F11: variants seen among roughly 807,000 people sequenced by gnomAD.
F11 encodes coagulation factor XI.
A neutral mutation model predicts 76.5 loss-of-function variants in F11; 78 were observed. The ratio of observed to expected loss-of-function variants is 1.02; its 90% CI spans 0.85 to 1.23. F11 has a LOEUF of 1.23. F11 is among the 50% of genes most tolerant of loss of function. F11 has a pLI of 0.00. For synonymous variants in F11, 278 were observed against 276.3 expected, an observed-to-expected ratio of 1.01 and a Z score of -0.06; for missense variants, 742 against 771.4, an observed-to-expected ratio of 0.96 and a Z score of 0.45.
chr4:186,275,414 G>A (rs1047821082), intron 5 of F11, among the ~76,000 whole-genome samples: 3 of 152,168 alleles, frequency 2.0e-5, no homozygotes, highest in East Asian at 3.9e-4. Context: ...AGAATCGCTT[G>A]AACCCAGGAG....
At chr4:186,278,276 G>T (rs1392195718) in intron 7 of F11, among the ~76,000 whole-genome samples, 1 of 152,216 alleles carries the variant, frequency 6.6e-6, no homozygotes, top group African/African-American at 2.4e-5. Context: ...AGCCAAGGGA[G>T]GCCCTGTGTG....
At position 186,274,111 on chromosome 4, in the gene F11, T is replaced by G; in HGVS notation, c.326-5T>G. ...GGTACTCATGTCTTCTGCTTTTATT[T>G]CCAGCTTGCAACAAAGACATTTATG... On this transcript the variant is annotated splice_polypyrimidine_tract_variant and splice_region_variant and intron_variant, in intron 4 of 14. Transcript: ENST00000403665. 6.2e-7 allele frequency: 1 copy of G among 1,614,190 alleles called. No homozygotes were observed. The highest frequency in any genetic ancestry group is 8.5e-7 in the Non-Finnish European group (1 of 1,180,026).
intron 5 of F11, 46 bp downstream of exon 5, chr4:186,274,321 C>A (rs376289738): frequency 1.1e-4 from 176 of 1,612,186 alleles, no homozygotes; most frequent in Non-Finnish European, 1.4e-4. Context: ...AAAACAGAAT[C>A]GTGATTTACT....
At chr4:186,276,430 A>G (rs750872465) in intron 7 of F11, 40 bp downstream of exon 7, 2 of 1,602,604 alleles carry the variant, frequency 1.2e-6, no homozygotes, top group Non-Finnish European at 1.7e-6. Flanking sequence ...TTATCTTCTA[A>G]AAATAGCTGA....
At chr4:186,286,049 C>T (rs1420539167) in intron 12 of F11, 2 of 581,862 alleles carry the variant, frequency 3.4e-6, no homozygotes, top group Non-Finnish European at 6.1e-6. Flanking sequence ...TCTTCAGGTG[C>T]ATAGAATGAC....
At chr4:186,284,054 G>T (rs1740987774) in intron 10 of F11, 38 bp from the exon 11 acceptor site, 1 of 1,613,826 alleles carries the variant, frequency 6.2e-7, no homozygotes, top group Non-Finnish European at 8.5e-7. Context: ...TGGAAAGGAA[G>T]ATGTAGGAAG....
intron 5 of F11, chr4:186,274,540 T>C: frequency 4.2e-6 from 2 of 472,780 alleles, no homozygotes; most frequent in Non-Finnish European, 3.9e-6. Flanking sequence ...CACTTTTAAA[T>C]TGGCACTTTT....
chr4:186,275,565 G>T (rs1740298974), intron 5 of F11, among the ~76,000 whole-genome samples: 1 of 152,078 alleles, frequency 6.6e-6, no homozygotes, highest in South Asian at 2.1e-4. Flanking sequence ...TCTTCATGTG[G>T]TCACTCTCTC....
intron 7 of F11, among the ~76,000 whole-genome samples, chr4:186,276,732 A>G (rs1176129656): frequency 1.3e-5 from 2 of 151,724 alleles, no homozygotes; most frequent in East Asian, 2.0e-4. Flanking sequence ...GACTACAGGC[A>G]TGGGACACCA....
chr4:186,276,042 C>T (rs1211194170), intron 6 of F11, 146 bp downstream of exon 6: 1 of 923,952 alleles, frequency 1.1e-6, no homozygotes, highest in Non-Finnish European at 1.7e-6. Context: ...TCATCATGTC[C>T]TATACAGTTA....
rs775969017 is a variant in F11 at position 186,286,418 on chromosome 4, C to G, written c.1484C>G (p.Ser495Cys). The stretch of plus-strand genomic sequence containing the variant: ...AACCACGATTTTTTAAATTTAGATT[C>G]TCAACGACCCATATGCCTGCCTTCC... The part of the protein sequence containing the change: ...KLETTVNYTD[S>C]QRPICLPSKG... The change falls in exon 13 of 15, where the codon TCT (serine) becomes TGT (cysteine). Residue 495 changes from serine to cysteine, a missense_variant. Ser to Cys is a moderately radical substitution (Grantham distance 112). Transcript: ENST00000403665. 1 of 1,613,610 alleles carries G rather than the reference C, an allele frequency of 6.2e-7. No individual in the cohort carries two copies. The highest frequency in any genetic ancestry group is 2.2e-5 in the East Asian group (1 of 44,856).
chr4:186,273,094 G>T lies in F11; in HGVS notation c.242G>T (p.Ser81Ile), dbSNP rs766388775. The part of the protein sequence containing the change: ...TRWFTCVLKD[S>I]VTETLPRVNR... ...AGGTTTACTTGTGTCCTGAAAGACA[G>T]TGTTACAGAAACACTGCCAAGAGTG... Residue 81 changes from serine to isoleucine, a missense_variant, in exon 4 of 15, where the codon AGT (serine) becomes ATT (isoleucine). By Grantham distance (142) the Ser-to-Ile change is moderately radical. Transcript: ENST00000403665. 1 of 1,613,442 alleles carries T rather than the reference G, an allele frequency of 6.2e-7. No individual in the cohort carries two copies. Among genetic ancestry groups the T allele is most frequent in the Non-Finnish European group, 8.5e-7 (1 of 1,179,400 alleles).
chr4:186,280,342 T>A lies in F11; in HGVS notation c.985T>A (p.Phe329Ile), dbSNP rs1439322383. The change falls in exon 9 of 15, where the codon TTT (phenylalanine) becomes ATT (isoleucine). Residue 329 changes from phenylalanine (F) to isoleucine (I), a missense_variant. Transcript: ENST00000403665. ...GTGCACCAATGCCGTCCGCTGCCAG[T>A]TTTTTACCTATACCCCAGCCCAAGC... ...KLCTNAVRCQFFTYTPAQASC... is the reference protein window; with the variant it reads ...KLCTNAVRCQIFTYTPAQASC... The A allele has an allele frequency of 6.2e-7, 1 of 1,614,128 alleles. No homozygotes were observed. The highest frequency in any genetic ancestry group is 1.1e-5 in the South Asian group (1 of 91,082).
intron 14 of F11, among the ~76,000 whole-genome samples, chr4:186,288,152 T>TCTGC (rs1338683491): frequency 6.6e-6 from 1 of 152,030 alleles, no homozygotes; most frequent in East Asian, 1.9e-4. Flanking sequence ...GACCTCATGA[T>TCTGC]CTGCCTGCCT....
intron 2 of F11, among the ~76,000 whole-genome samples, chr4:186,267,627 T>C (rs896076167): frequency 1.3e-5 from 2 of 152,246 alleles, no homozygotes; most frequent in African/African-American, 4.8e-5. Flanking sequence ...ACTACCCTGT[T>C]AATTCTCCAC....
intron 7 of F11, among the ~76,000 whole-genome samples, chr4:186,276,641 C>T (rs1037411433): frequency 1.5e-5 from 2 of 132,042 alleles, no homozygotes; most frequent in Admixed American, 8.8e-5. Flanking sequence ...GGCTGGAGTG[C>T]GGTGGCATGA....
In F11 at chr4:186,285,337, G is replaced by A. The variant is rs564467855; in HGVS notation, c.1305-301G>A. ...CAGCGGTCTTCGTGTGTGTGTGTGC[G>A]TGTGTGTCTGTGCAGTGTGCGTGTG... is the stretch of plus-strand genomic sequence containing the variant. On this transcript the variant is annotated intron_variant, in intron 11 of 14. Transcript: ENST00000403665. 4.7e-4 allele frequency among the ~76,000 whole-genome samples: 72 copies of A among 151,866 alleles called. 1 individual carries two copies. The highest frequency in any genetic ancestry group is 1.4e-3 in the African/African-American group (58 of 41,394).
In F11 at chr4:186,288,722, G is replaced by A; in HGVS notation, c.*108G>A. The A allele has an allele frequency of 8.0e-7, 1 of 1,253,178 alleles. No individual in the cohort carries two copies. Among genetic ancestry groups the A allele is most frequent in the Admixed American group, 2.0e-5 (1 of 50,156 alleles). 77.6% of individuals were successfully genotyped at this position (1,253,178 alleles called of 1,614,324 possible). On this transcript the variant is annotated 3_prime_UTR_variant, in exon 15 of 15. Coordinates refer to ENST00000403665, the MANE Select transcript of F11 (RefSeq NM_000128.4). Reference sequence around the variant, plus strand: ...TTCCTCCACAGTAACACGCTGAAGGGGCTTGGTGTTTGTAAGAAAATGCTA... The same window carrying A: ...TTCCTCCACAGTAACACGCTGAAGGAGCTTGGTGTTTGTAAGAAAATGCTA...
chr4:186,271,005 C>T (rs1223630567), intron 2 of F11, among the ~76,000 whole-genome samples: 1 of 152,060 alleles, frequency 6.6e-6, no homozygotes, highest in East Asian at 1.9e-4. Context: ...TGCGCCCACT[C>T]CGCATTATTA....
Sources: allele counts gnomAD v4.1 joint callset (sites outside exome capture counted in the v4.1 genomes callset), GRCh38; gene constraint gnomAD v4.1.1; transcripts MANE v1.5; gene names NCBI Gene and HGNC (gene_info 2026-07-23, HGNC 2026-07-21).